ABTB2: variants seen among roughly 807,000 people sequenced by gnomAD.
The protein encoded by ABTB2 is ankyrin repeat and BTB domain containing 2, also known as ankyrin repeat and BTB/POZ domain-containing protein 2.
ABTB2 carries 56 observed loss-of-function variants against 104.1 expected under a neutral mutation model. The observed-to-expected ratio is 0.54, with a 90% CI of 0.43 to 0.67. ABTB2 has a LOEUF of 0.67. Among genes scored for constraint, ABTB2 ranks in the 30% least tolerant of loss-of-function variants. The pLI is 0.00. For synonymous variants in ABTB2, 606 were observed against 608.2 expected (o/e 1.00, Z 0.05); for missense variants, 1,279 against 1,407.7 (o/e 0.91, Z 1.46).
intron 1 of ABTB2, among the ~76,000 whole-genome samples, chr11:34,248,247 T>C (rs1235320661): frequency 6.6e-6 from 1 of 151,962 alleles, no homozygotes; most frequent in East Asian, 1.9e-4. Flanking sequence ...TGCACCATCA[T>C]GCCCAGCACA....
rs1324914748 is a variant in ABTB2 at position 34,221,940 on chromosome 11, G to A, written c.884-17250C>T. 3.3e-5 allele frequency among the ~76,000 whole-genome samples: 5 copies of A among 152,290 alleles called. No homozygotes were observed. In the East Asian group the frequency reaches 9.7e-4, roughly 29 times the overall value. ...TGTAATCCCAATCCTATCTACTTGG[G>A]AGGCTGAGGCAGGAGAATAGCTTGA... On this transcript the variant is annotated intron_variant, in intron 1 of 16. Coordinates refer to ENST00000435224, the MANE Select transcript of ABTB2 (RefSeq NM_145804.3).
At chr11:34,212,341 G>A (rs936280033) in intron 1 of ABTB2, among the ~76,000 whole-genome samples, 1 of 152,210 alleles carries the variant, frequency 6.6e-6, no homozygotes, top group Non-Finnish European at 1.5e-5. Flanking sequence ...ACAGGCATGA[G>A]CCACTGCACC....
rs763755237 is a variant in ABTB2 at position 34,274,158 on chromosome 11, C to CAA, written c.884-69470_884-69469dup. ...TGGGCGACAGAGCGAGACTCCGTCT[C>CAA]AAAAAAAAAAAAAAAAAAAAAAAAA... On this transcript the variant is annotated intron_variant, in intron 1 of 16. Transcript: ENST00000435224. 4.9e-3 allele frequency among the ~76,000 whole-genome samples: 247 copies of CAA among 50,702 alleles called. 18 individuals carry two copies. Among genetic ancestry groups the CAA allele is most frequent in the African/African-American group, 7.7e-3 (108 of 14,022 alleles). The allele number at this position is 50,702 out of a possible 152,430, so 33.3% of individuals were successfully genotyped here.
intron 1 of ABTB2, among the ~76,000 whole-genome samples, chr11:34,233,653 C>CT (rs11285170): frequency 4.3e-4 from 65 of 149,806 alleles, no homozygotes; most frequent in African/African-American, 1.5e-3. Context: ...CCTGGCCCAC[C>CT]TTTTTTTTTT....
intron 1 of ABTB2, among the ~76,000 whole-genome samples, chr11:34,312,193 G>A (rs945042852): frequency 6.6e-6 from 1 of 151,528 alleles, no homozygotes; most frequent in Non-Finnish European, 1.5e-5. Context: ...AATGGAACAA[G>A]CAGGTGGTTC....
intron 1 of ABTB2, among the ~76,000 whole-genome samples, chr11:34,286,028 T>C (rs181406129): frequency 1.3e-5 from 2 of 151,736 alleles, no homozygotes; most frequent in East Asian, 1.9e-4. Flanking sequence ...TGCACATTTA[T>C]AGAAGAAAAC....
At chr11:34,205,104 T>C (rs557508062) in intron 1 of ABTB2, among the ~76,000 whole-genome samples, 2 of 152,314 alleles carry the variant, frequency 1.3e-5, no homozygotes, top group South Asian at 2.1e-4. Flanking sequence ...AGCCCAGGTA[T>C]TGTGCTATAC....
At position 34,197,633 on chromosome 11, in the gene ABTB2, T is replaced by C. The variant is rs1853278966; in HGVS notation, c.1031-95A>G. 4.3e-6 allele frequency: 4 copies of C among 922,918 alleles called. No individual in the cohort carries two copies. The African/African-American group carries it at 5.0e-5, about 12-fold the overall frequency. The allele number at this position is 922,918 out of a possible 1,614,324, so 57.2% of individuals were successfully genotyped here. Reference sequence around the variant, plus strand: ...GCATTCTTCCAAGGATGTTCCTGGCTGAAGCTCCCTTGCCTTAGTGCATAA... The same window carrying C: ...GCATTCTTCCAAGGATGTTCCTGGCCGAAGCTCCCTTGCCTTAGTGCATAA... On this transcript the variant is annotated intron_variant, in intron 2 of 16. Coordinates refer to ENST00000435224, the MANE Select transcript of ABTB2 (RefSeq NM_145804.3).
chr11:34,167,322 G>A lies in ABTB2; in HGVS notation c.1692C>T (p.Pro564=), dbSNP rs764930852. 21 of 1,613,394 alleles carry A rather than the reference G, an allele frequency of 1.3e-5. No homozygotes were observed. In the Admixed American group the frequency reaches 1.3e-4, roughly 10 times the overall value. ...TCAGTGAGGTCCAGTGCCGGCTGTCGGGGTGGATGGAAGGGTGCCTGGGGG... is the reference window on the plus strand; with the variant it reads ...TCAGTGAGGTCCAGTGCCGGCTGTCAGGGTGGATGGAAGGGTGCCTGGGGG... ...SNSPRHPSIH[P]DSRHWTSLTF... is the part of the protein sequence containing the mutation. The change falls in exon 7 of 17, where the codon CCC becomes CCT. Residue 564 remains proline, a synonymous_variant. Coordinates refer to ENST00000435224, the MANE Select transcript of ABTB2 (RefSeq NM_145804.3).
chr11:34,234,323 C>A (rs1038757157), intron 1 of ABTB2, among the ~76,000 whole-genome samples: 2 of 152,160 alleles, frequency 1.3e-5, no homozygotes, highest in Non-Finnish European at 1.5e-5. Flanking sequence ...CCATCTCAAG[C>A]GAGAAATGGA....
chr11:34,286,993 G>A (rs1261508586), intron 1 of ABTB2, among the ~76,000 whole-genome samples: 1 of 152,106 alleles, frequency 6.6e-6, no homozygotes, highest in Non-Finnish European at 1.5e-5. Context: ...TGGAGGGATG[G>A]AACTGTTCTG....
intron 1 of ABTB2, among the ~76,000 whole-genome samples, chr11:34,308,493 G>A (rs998649193): frequency 2.0e-5 from 3 of 152,066 alleles, no homozygotes; most frequent in African/African-American, 7.2e-5. Context: ...ACTCCCTGAG[G>A]GCACAAGCAC....
chr11:34,306,708 A>G (rs1014879429), intron 1 of ABTB2, among the ~76,000 whole-genome samples: 28 of 152,020 alleles, frequency 1.8e-4, no homozygotes, highest in African/African-American at 6.8e-4. Flanking sequence ...TGGGTGACAC[A>G]GTGAGACCCT....
intron 1 of ABTB2, among the ~76,000 whole-genome samples, chr11:34,340,697 T>C (rs550427420): frequency 6.6e-6 from 1 of 152,290 alleles, no homozygotes; most frequent in East Asian, 1.9e-4. Context: ...CTAAAAACTT[T>C]AACCTCAAGT....
intron 10 of ABTB2, among the ~76,000 whole-genome samples, chr11:34,162,216 C>T (rs748312128): frequency 2.6e-5 from 4 of 152,230 alleles, no homozygotes; most frequent in Non-Finnish European, 5.9e-5. Flanking sequence ...ACAGGACTGC[C>T]GCCTCACAGC....
At chr11:34,308,636 G>A (rs1179850535) in intron 1 of ABTB2, among the ~76,000 whole-genome samples, 5 of 152,060 alleles carry the variant, frequency 3.3e-5, no homozygotes, top group Admixed American at 2.6e-4. Flanking sequence ...TTGAGAAGCC[G>A]AGGCGGGTGG....
chr11:34,291,728 T>C (rs1854566705), intron 1 of ABTB2, among the ~76,000 whole-genome samples: 1 of 152,172 alleles, frequency 6.6e-6, no homozygotes, highest in Non-Finnish European at 1.5e-5. Flanking sequence ...ACTCCTGACC[T>C]CAAGTGATCC....
Position 34,357,560 on chromosome 11 carries a change from A to C in ABTB2, c.24T>G (p.Thr8=). 1 of 1,525,966 alleles carries C rather than the reference A, an allele frequency of 6.6e-7. No homozygotes were observed. 94.5% of individuals were successfully genotyped at this position (1,525,966 alleles called of 1,614,324 possible). Residue 8 remains threonine (T), a synonymous_variant, in exon 1 of 17, where the codon ACT becomes ACG. Coordinates refer to ENST00000435224, the MANE Select transcript of ABTB2 (RefSeq NM_145804.3). ...AGGTCAAGTCCTCCAGCGTCTTCAG[A>C]GTCGAGCTGTACGTCCCGGCCATGG... MAGTYSS[T]LKTLEDLTLD... is the part of the protein sequence containing the mutation.
intron 1 of ABTB2, among the ~76,000 whole-genome samples, chr11:34,338,777 A>C (rs1218148421): frequency 2.0e-5 from 3 of 152,218 alleles, no homozygotes; most frequent in Admixed American, 6.5e-5. Flanking sequence ...GGTGGGTTCC[A>C]GAATACTAAT....
Sources: allele counts gnomAD v4.1 joint callset (sites outside exome capture counted in the v4.1 genomes callset), GRCh38; gene constraint gnomAD v4.1.1; transcripts MANE v1.5; gene names NCBI Gene and HGNC (gene_info 2026-07-23, HGNC 2026-07-21).